The following RALYL variants were observed in gnomAD, a reference collection of about 807,000 sequenced individuals.
RALYL encodes the protein RNA-binding Raly-like protein.
RALYL carries 29 observed loss-of-function variants against 35.1 expected under a neutral mutation model. That is an observed-to-expected ratio of 0.83 (90% CI 0.61 to 1.13). RALYL has a LOEUF of 1.13. RALYL is among the 50% of genes most tolerant of loss of function. The pLI is 0.00. For missense variants in RALYL, 359 were observed against 360.4 expected, an observed-to-expected ratio of 1.00 and a Z score of 0.03; for synonymous variants, 120 against 127.6, an observed-to-expected ratio of 0.94 and a Z score of 0.40.
intron 2 of RALYL, among the ~76,000 whole-genome samples, chr8:84,653,337 G>T (rs1829242378): frequency 6.6e-6 from 1 of 151,904 alleles, no homozygotes; most frequent in African/African-American, 2.4e-5. Context: ...GAGGATGAGG[G>T]CAAAAAGCAC....
chr8:84,895,419 T>C (rs934531186), intron 8 of RALYL, among the ~76,000 whole-genome samples: 1 of 152,116 alleles, frequency 6.6e-6, no homozygotes, highest in African/African-American at 2.4e-5. Flanking sequence ...TCCTCTTATA[T>C]ATTTTTTTCC....
intron 1 of RALYL, among the ~76,000 whole-genome samples, chr8:84,489,403 G>A (rs1016048597): frequency 1.3e-5 from 2 of 152,028 alleles, no homozygotes; most frequent in Non-Finnish European, 2.9e-5. Context: ...CGAATGTTTA[G>A]TTAACTTTGA....
At chr8:84,350,271 C>T (rs1274787047) in intron 1 of RALYL, among the ~76,000 whole-genome samples, 1 of 150,414 alleles carries the variant, frequency 6.6e-6, no homozygotes, top group Non-Finnish European at 1.5e-5. Context: ...TCAACCAGTT[C>T]ACAGGGATCT....
chr8:84,747,781 AAG>A (rs1585906355), intron 2 of RALYL, among the ~76,000 whole-genome samples: 1 of 151,742 alleles, frequency 6.6e-6, no homozygotes, highest in Non-Finnish European at 1.5e-5. Flanking sequence ...TACTTAGGAA[AAG>A]AGTTACTATT....
chr8:84,838,182 T>A (rs1234140170), intron 4 of RALYL, among the ~76,000 whole-genome samples: 2 of 152,154 alleles, frequency 1.3e-5, no homozygotes, highest in African/African-American at 4.8e-5. Context: ...CTAGGATATA[T>A]AAAATTCTTT....
At chr8:84,372,902 T>G (rs1856150030) in intron 1 of RALYL, among the ~76,000 whole-genome samples, 1 of 141,350 alleles carries the variant, frequency 7.1e-6, no homozygotes, top group African/African-American at 2.7e-5. Flanking sequence ...TTTTTTTTTT[T>G]TTTTTTTTTT....
In RALYL at chr8:84,494,517, G is replaced by GATT. The variant is rs1396081744; in HGVS notation, c.-23-34781_-23-34779dup. Among the ~76,000 whole-genome samples the GATT allele has an allele frequency of 6.6e-5, 10 of 152,158 alleles. No individual in the cohort carries two copies. The East Asian group carries it at 1.4e-3, about 21-fold the overall frequency. On this transcript the variant is annotated intron_variant, in intron 1 of 8. Coordinates refer to ENST00000521268, the MANE Select transcript of RALYL (RefSeq NM_173848.7). ...GCAGTATGGCCATTTTCATGATATT[G>GATT]ATTCTTCCTGTCCATGAGGATGGAA...
At chr8:84,730,606 C>A (rs1399500398) in intron 2 of RALYL, among the ~76,000 whole-genome samples, 1 of 152,114 alleles carries the variant, frequency 6.6e-6, no homozygotes, top group Admixed American at 6.6e-5. Context: ...TCCCTGTTGG[C>A]AGACGACATG....
chr8:84,225,881 C>T (rs1170269962), intron 1 of RALYL, among the ~76,000 whole-genome samples: 1 of 152,102 alleles, frequency 6.6e-6, no homozygotes, highest in Non-Finnish European at 1.5e-5. Flanking sequence ...CAGACCCATG[C>T]CTGACACATT....
Position 84,766,701 on chromosome 8 carries a change from C to A in RALYL, c.257-7878C>A, listed in dbSNP as rs1328556777. ...ATCGCGCCACTGCACTCCAGCCTGG[C>A]GACAGAGTGAGACTGTCTCAAAAAA... On this transcript the variant is annotated intron_variant, in intron 2 of 8. Transcript: ENST00000521268. 1.3e-4 allele frequency among the ~76,000 whole-genome samples: 15 copies of A among 116,776 alleles called. No individual in the cohort carries two copies. The Admixed American group carries it at 1.3e-3, about 10-fold the overall frequency. 76.6% of individuals were successfully genotyped at this position (116,776 alleles called of 152,430 possible).
At chr8:84,394,559 A>G (rs926893230) in intron 1 of RALYL, among the ~76,000 whole-genome samples, 10 of 152,004 alleles carry the variant, frequency 6.6e-5, no homozygotes, top group Admixed American at 5.9e-4. Flanking sequence ...CTTACTGTAA[A>G]AACTCCTTAT....
At chr8:84,723,557 C>G (rs552258854) in intron 2 of RALYL, among the ~76,000 whole-genome samples, 21 of 152,024 alleles carry the variant, frequency 1.4e-4, no homozygotes, top group Non-Finnish European at 2.5e-4. Flanking sequence ...CTTTTGATTT[C>G]ATAGAGGAAA....
chr8:84,530,407 C>A (rs2059200396), intron 2 of RALYL, among the ~76,000 whole-genome samples: 1 of 151,888 alleles, frequency 6.6e-6, no homozygotes, highest in South Asian at 2.1e-4. Flanking sequence ...AGAACAAAAC[C>A]CATGATTTTC....
intron 8 of RALYL, among the ~76,000 whole-genome samples, chr8:84,894,235 T>A (rs1179241063): frequency 1.3e-5 from 2 of 152,186 alleles, no homozygotes; most frequent in African/African-American, 4.8e-5. Flanking sequence ...ACCTGGATGA[T>A]CCCCCTTATC....
intron 1 of RALYL, among the ~76,000 whole-genome samples, chr8:84,342,296 A>ATATATATATAT (rs1554626164): frequency 3.6e-4 from 43 of 119,102 alleles, no homozygotes; most frequent in South Asian, 7.2e-4. Flanking sequence ...ATATATATAT[A>ATATATATATAT]AAACTCAAAA....
chr8:84,887,597 C>CT lies in RALYL; in HGVS notation c.686-7_686-6insT. The CT allele has an allele frequency of 3.8e-6, 6 of 1,599,842 alleles. No homozygotes were observed. The highest frequency in any genetic ancestry group is 3.5e-5 in the Admixed American group (2 of 56,976). ...GGTAGTAGTCATTTGCTTTCTCCCCCCCCCAGAAGCTCAGAAGAAGCAATT... is the reference window on the plus strand; with the variant it reads ...GGTAGTAGTCATTTGCTTTCTCCCCCTCCCCAGAAGCTCAGAAGAAGCAATT... On this transcript the variant is annotated splice_region_variant and splice_polypyrimidine_tract_variant and intron_variant, in intron 7 of 8. Transcript: ENST00000521268.
chr8:84,470,347 T>G (rs2052553850), intron 1 of RALYL, among the ~76,000 whole-genome samples: 1 of 152,098 alleles, frequency 6.6e-6, no homozygotes, highest in Admixed American at 6.5e-5. Flanking sequence ...CAAGGGCATG[T>G]TTTTCAAAAA....
chr8:84,757,939 T>C (rs1430740600), intron 2 of RALYL, among the ~76,000 whole-genome samples: 3 of 152,108 alleles, frequency 2.0e-5, no homozygotes, highest in Admixed American at 6.6e-5. Context: ...TATAGACTTA[T>C]AGGAAAAAGC....
At chr8:84,363,109 G>C (rs1437874112) in intron 1 of RALYL, among the ~76,000 whole-genome samples, 1 of 152,162 alleles carries the variant, frequency 6.6e-6, no homozygotes, top group Non-Finnish European at 1.5e-5. Flanking sequence ...GCTCTGGGCA[G>C]CTGGATATAA....
Sources: gnomAD v4.1 joint callset for allele counts (sites outside exome capture counted in the v4.1 genomes callset) on GRCh38, gnomAD v4.1.1 for gene constraint, MANE v1.5 for transcripts, NCBI Gene and HGNC (gene_info 2026-07-23, HGNC 2026-07-21) for gene names.